The following MAST2 variants were observed in gnomAD, a reference collection of about 807,000 sequenced individuals.
MAST2 encodes microtubule-associated serine/threonine-protein kinase 2.
Under a neutral mutation model 147.4 loss-of-function variants are expected in MAST2, and 70 were observed. The ratio of observed to expected loss-of-function variants is 0.47; its 90% CI spans 0.39 to 0.58. MAST2 has a LOEUF of 0.58. MAST2 is among the 20% of genes least tolerant of loss of function. MAST2 has a pLI of 0.00. For missense variants in MAST2, 2,080 were observed against 2,302.3 expected (o/e 0.90, Z 1.98); for synonymous variants, 869 against 896.8 (o/e 0.97, Z 0.55).
chr1:45,951,698 G>T (rs1324058633), intron 4 of MAST2, among the ~76,000 whole-genome samples: 1 of 152,236 alleles, frequency 6.6e-6, no homozygotes, highest in Admixed American at 6.5e-5. Flanking sequence ...GTATTGTGTT[G>T]TTGAAATTGA....
chr1:45,908,817 G>C (rs139472735), intron 4 of MAST2, among the ~76,000 whole-genome samples: 1 of 152,162 alleles, frequency 6.6e-6, no homozygotes, highest in Admixed American at 6.5e-5. Flanking sequence ...GTCTGCCCTT[G>C]TAAGAAAATT....
At chr1:45,994,321 G>T (rs1419640431) in intron 5 of MAST2, among the ~76,000 whole-genome samples, 1 of 113,452 alleles carries the variant, frequency 8.8e-6, no homozygotes, top group Non-Finnish European at 1.7e-5. Context: ...TCACTCTGCT[G>T]CCCAGCCAGG....
At chr1:45,967,518 G>T (rs939160011) in intron 5 of MAST2, among the ~76,000 whole-genome samples, 1 of 152,160 alleles carries the variant, frequency 6.6e-6, no homozygotes, top group African/African-American at 2.4e-5. Context: ...CTAGAGAAAA[G>T]AAAATTTGTT....
chr1:45,847,161 A>G, intron 3 of MAST2: 1 of 511,186 alleles, frequency 2.0e-6, no homozygotes, highest in Non-Finnish European at 4.0e-6. Context: ...CTTCAGATCA[A>G]AGTCCCATTC....
chr1:45,996,136 T>G (rs1156690410), intron 5 of MAST2, among the ~76,000 whole-genome samples: 1 of 151,904 alleles, frequency 6.6e-6, no homozygotes, highest in South Asian at 2.1e-4. Context: ...GTGTGTGTTA[T>G]GTAACCCTAG....
At position 45,987,777 on chromosome 1, in the gene MAST2, A is replaced by ATTTTTTTTTTTTTTTTTTTTTTTTGT. The variant is rs1644700933; in HGVS notation, c.593-9922_593-9921insTTTTTTTTTTTTTTTTTTTTTTTTTG. Among the ~76,000 whole-genome samples, 9 of 21,780 alleles carry ATTTTTTTTTTTTTTTTTTTTTTTTGT rather than the reference A, an allele frequency of 4.1e-4. 1 individual carries two copies. Among genetic ancestry groups the ATTTTTTTTTTTTTTTTTTTTTTTTGT allele is most frequent in the Non-Finnish European group, 5.3e-4 (7 of 13,290 alleles). 14.3% of individuals were successfully genotyped at this position (21,780 alleles called of 152,430 possible). A position where few individuals can be genotyped will look rare whatever the true frequency, so the allele number is the denominator to read the frequency against. On this transcript the variant is annotated intron_variant, in intron 5 of 28. Transcript: ENST00000361297. Reference sequence around the variant, plus strand: ...AGCATTTCTTGTTTTTTTTTTTTTGATTTTTTTTTTTTTTTTTTTTTTTTG... The same window carrying ATTTTTTTTTTTTTTTTTTTTTTTTGT: ...AGCATTTCTTGTTTTTTTTTTTTTGATTTTTTTTTTTTTTTTTTTTTTTTGTTTTTTTTTTTTTTTTTTTTTTTTTG...
intron 4 of MAST2, among the ~76,000 whole-genome samples, chr1:45,956,004 T>C (rs1000177781): frequency 6.6e-6 from 1 of 152,206 alleles, no homozygotes; most frequent in Admixed American, 6.5e-5. Context: ...TCCTCATGAC[T>C]ATCTATAATC....
chr1:45,921,938 T>C (rs550188381), intron 4 of MAST2, among the ~76,000 whole-genome samples: 2 of 152,210 alleles, frequency 1.3e-5, no homozygotes, highest in African/African-American at 2.4e-5. Context: ...CACAGACAAA[T>C]ATAGGGTGAG....
intron 1 of MAST2, among the ~76,000 whole-genome samples, chr1:45,811,102 C>T (rs991295886): frequency 6.6e-6 from 1 of 151,260 alleles, no homozygotes; most frequent in Non-Finnish European, 1.5e-5. Context: ...CCACCTGGCT[C>T]GGCCTCTCAA....
At chr1:45,925,331 G>A (rs574136636) in intron 4 of MAST2, among the ~76,000 whole-genome samples, 1 of 152,320 alleles carries the variant, frequency 6.6e-6, no homozygotes, top group South Asian at 2.1e-4. Flanking sequence ...AAGTGTCTCA[G>A]ATGGGTATGA....
chr1:45,920,852 T>C (rs755379531), intron 4 of MAST2, among the ~76,000 whole-genome samples: 1 of 152,230 alleles, frequency 6.6e-6, no homozygotes, highest in Non-Finnish European at 1.5e-5. Flanking sequence ...ATGTTCATTT[T>C]TTTTTCGATG....
At chr1:45,821,885 C>CTTTTTTT (rs71587723) in intron 1 of MAST2, among the ~76,000 whole-genome samples, 16 of 100,838 alleles carry the variant, frequency 1.6e-4, no homozygotes, top group East Asian at 3.1e-4. Flanking sequence ...TCACCTTCAC[C>CTTTTTTT]TTTTTTTTTT....
chr1:45,925,885 C>T (rs1023510782), intron 4 of MAST2, among the ~76,000 whole-genome samples: 1 of 152,150 alleles, frequency 6.6e-6, no homozygotes, highest in Non-Finnish European at 1.5e-5. Context: ...CTGGCACCTC[C>T]TATGTCACAC....
chr1:45,931,891 G>C (rs1246097163), intron 4 of MAST2, among the ~76,000 whole-genome samples: 3 of 151,868 alleles, frequency 2.0e-5, no homozygotes, highest in Non-Finnish European at 4.4e-5. Context: ...GGGTCTTGCT[G>C]TGTTGCCTAG....
intron 5 of MAST2, among the ~76,000 whole-genome samples, chr1:45,974,529 C>G (rs551839228): frequency 6.6e-6 from 1 of 151,908 alleles, no homozygotes; most frequent in Non-Finnish European, 1.5e-5. Flanking sequence ...CTGAGGAGTT[C>G]GAGGCTGCAG....
chr1:45,829,367 C>T (rs1316942239), intron 2 of MAST2, 72 bp from the exon 3 acceptor site: 1 of 1,356,624 alleles, frequency 7.4e-7, no homozygotes, highest in African/African-American at 1.5e-5. Context: ...CTTGATATCA[C>T]TGTATTTGTA....
At chr1:45,966,226 T>C (rs1034373348) in intron 5 of MAST2, among the ~76,000 whole-genome samples, 1 of 152,194 alleles carries the variant, frequency 6.6e-6, no homozygotes, top group African/African-American at 2.4e-5. Flanking sequence ...TATCCTGTTG[T>C]CTGGTTATAC....
Position 45,858,996 on chromosome 1 carries a change from T to C in MAST2, c.469-23368T>C, listed in dbSNP as rs1645889518. On this transcript the variant is annotated intron_variant, in intron 3 of 28. Coordinates refer to ENST00000361297, the MANE Select transcript of MAST2 (RefSeq NM_015112.3). ...CTCTGTTTTGGTACCAGTACCATGC[T>C]GTTTTGGTTACTGTAGCCTTGTAGT... Among the ~76,000 whole-genome samples the C allele has an allele frequency of 2.0e-5, 3 of 152,216 alleles. No individual in the cohort carries two copies. The South Asian group carries it at 6.2e-4, about 32-fold the overall frequency.
chr1:46,020,638 T>C (rs9429177), intron 11 of MAST2, among the ~76,000 whole-genome samples: 3 of 152,302 alleles, frequency 2.0e-5, no homozygotes, highest in African/African-American at 7.2e-5. Flanking sequence ...ACAGCTGACA[T>C]AGAGAATATT....
Sources: gnomAD v4.1 joint callset for allele counts (sites outside exome capture counted in the v4.1 genomes callset) on GRCh38, gnomAD v4.1.1 for gene constraint, MANE v1.5 for transcripts, NCBI Gene and HGNC (gene_info 2026-07-23, HGNC 2026-07-21) for gene names.